The following MAML2 variants were observed in gnomAD, a reference collection of about 807,000 sequenced individuals.
The protein encoded by MAML2 is mastermind-like protein 2.
Under a neutral mutation model 96.1 loss-of-function variants are expected in MAML2, and 22 were observed. That is an observed-to-expected ratio of 0.23 (90% CI 0.16 to 0.33). The LOEUF is 0.33. Ranked by LOEUF, MAML2 falls within the 10% of genes least tolerant of loss-of-function variation. MAML2 has a pLI of 1.00. For synonymous variants in MAML2, 561 were observed against 521.3 expected (o/e 1.08, Z -1.04); for missense variants, 1,367 against 1,392.4 (o/e 0.98, Z 0.29).
intron 1 of MAML2, among the ~76,000 whole-genome samples, chr11:96,112,027 C>A (rs1394338039): frequency 6.6e-6 from 1 of 151,830 alleles, no homozygotes; most frequent in Non-Finnish European, 1.5e-5. Flanking sequence ...AAATGCTGCT[C>A]GTTAAACAAG....
intron 1 of MAML2, among the ~76,000 whole-genome samples, chr11:96,121,695 G>GA (rs895182506): frequency 7.5e-6 from 1 of 134,216 alleles, no homozygotes; most frequent in Non-Finnish European, 1.6e-5. Flanking sequence ...GCAACATAAA[G>GA]AAAAAAAAGA....
chr11:96,093,870 A>G (rs916743811), intron 1 of MAML2, among the ~76,000 whole-genome samples: 2 of 152,246 alleles, frequency 1.3e-5, no homozygotes, highest in African/African-American at 4.8e-5. Flanking sequence ...GAGCAAGCCA[A>G]AATATTCCAC....
Position 96,091,924 on chromosome 11 carries a change from T to C in MAML2, c.2107A>G (p.Met703Val), listed in dbSNP as rs113168159. ...QQMQNQPIAGMGYQVSQQQRQ... is the reference protein window; with the variant it reads ...QQMQNQPIAGVGYQVSQQQRQ... ...TGTTGTTGGGAGACTTGGTATCCCA[T>C]TCCTGCAATGGGCTGATTCTGCATT... Residue 703 changes from methionine to valine, a missense_variant, in exon 2 of 5, where the codon ATG becomes GTG. Coordinates refer to ENST00000524717, the MANE Select transcript of MAML2 (RefSeq NM_032427.4). 18 of 1,613,516 alleles carry C rather than the reference T, an allele frequency of 1.1e-5. No individual in the cohort carries two copies. The African/African-American group carries it at 1.2e-4, about 11-fold the overall frequency.
At chr11:96,001,064 C>T (rs183424549) in intron 2 of MAML2, among the ~76,000 whole-genome samples, 29 of 152,242 alleles carry the variant, frequency 1.9e-4, no homozygotes, top group African/African-American at 6.3e-4. Flanking sequence ...TCTCCTGCAC[C>T]GTGCAGAGAA....
chr11:96,155,270 C>A (rs534286247), intron 1 of MAML2, among the ~76,000 whole-genome samples: 9 of 151,802 alleles, frequency 5.9e-5, no homozygotes, highest in African/African-American at 1.9e-4. Flanking sequence ...CCAAGCTGGG[C>A]CAGAAAGGGT....
intron 1 of MAML2, among the ~76,000 whole-genome samples, chr11:96,137,058 T>C (rs144601830): frequency 2.0e-4 from 30 of 152,288 alleles, no homozygotes; most frequent in Non-Finnish European, 3.8e-4. Context: ...AACAATTCTC[T>C]TTCAGTGTCG....
At chr11:96,300,404 C>A (rs191691757) in intron 1 of MAML2, among the ~76,000 whole-genome samples, 10 of 152,216 alleles carry the variant, frequency 6.6e-5, no homozygotes, top group Admixed American at 2.0e-4. Context: ...TAAAACTGAT[C>A]GGTGCCCATT....
chr11:96,131,553 T>A (rs552760729), intron 1 of MAML2, among the ~76,000 whole-genome samples: 43 of 152,318 alleles, frequency 2.8e-4, no homozygotes, highest in Admixed American at 2.0e-3. Flanking sequence ...ATTGCGTTTA[T>A]ATGAAATACC....
chr11:96,064,397 G>T (rs1859214033), intron 2 of MAML2, among the ~76,000 whole-genome samples: 1 of 152,166 alleles, frequency 6.6e-6, no homozygotes, highest in Non-Finnish European at 1.5e-5. Flanking sequence ...TGTTCCCTCA[G>T]ATTCTCTAAG....
At chr11:96,135,693 G>A (rs1369738525) in intron 1 of MAML2, among the ~76,000 whole-genome samples, 2 of 151,710 alleles carry the variant, frequency 1.3e-5, no homozygotes, top group African/African-American at 4.8e-5. Context: ...CCTAAAAATT[G>A]GCATTTTTTT....
chr11:96,180,843 G>A (rs1861472455), intron 1 of MAML2, among the ~76,000 whole-genome samples: 4 of 152,216 alleles, frequency 2.6e-5, no homozygotes, highest in South Asian at 2.1e-4. Context: ...AAGAGTCAGC[G>A]AAGGGAGATA....
chr11:96,209,609 A>AAACAAAAAAC lies in MAML2; in HGVS notation c.514-116093_514-116092insGTTTTTTGTT, dbSNP rs61564435. Among the ~76,000 whole-genome samples, 944 of 151,442 alleles carry AAACAAAAAAC rather than the reference A, an allele frequency of 6.2e-3. 6 individuals carry two copies. Among genetic ancestry groups the AAACAAAAAAC allele is most frequent in the South Asian group, 0.017 (82 of 4,808 alleles). ...ACAAACAAACAAACAAACAAACAAA[A>AAACAAAAAAC]AAGCAAAGTATCAAGAAAAAAATAA... On this transcript the variant is annotated intron_variant, in intron 1 of 4. Transcript: ENST00000524717.
intron 1 of MAML2, among the ~76,000 whole-genome samples, chr11:96,242,727 C>T (rs1443113632): frequency 6.6e-6 from 1 of 152,112 alleles, no homozygotes; most frequent in East Asian, 1.9e-4. Flanking sequence ...GGCACTCAAG[C>T]ACTGAAAAAG....
chr11:96,072,415 G>A (rs1267128119), intron 2 of MAML2, among the ~76,000 whole-genome samples: 2 of 152,106 alleles, frequency 1.3e-5, no homozygotes, highest in Non-Finnish European at 1.5e-5. Context: ...GTTCTAATCA[G>A]GTTTCTGAGT....
intron 2 of MAML2, among the ~76,000 whole-genome samples, chr11:96,074,751 G>A (rs895056058): frequency 2.0e-5 from 3 of 152,206 alleles, no homozygotes; most frequent in Non-Finnish European, 4.4e-5. Flanking sequence ...ATAAAAGTTA[G>A]ATTCCTGTGT....
At chr11:96,065,627 T>C (rs139029088) in intron 2 of MAML2, among the ~76,000 whole-genome samples, 124 of 152,372 alleles carry the variant, frequency 8.1e-4, no homozygotes, top group African/African-American at 2.8e-3. Context: ...CCTTTTTATA[T>C]GCCAGGAACT....
intron 1 of MAML2, among the ~76,000 whole-genome samples, chr11:96,160,863 T>C (rs1861093013): frequency 6.6e-6 from 1 of 152,016 alleles, no homozygotes; most frequent in South Asian, 2.1e-4. Context: ...GTATCTATTA[T>C]TGATTATAAG....
intron 3 of MAML2, 125 bp from the exon 4 acceptor site, chr11:95,985,767 A>T (rs1239388507): frequency 1.7e-6 from 1 of 600,040 alleles, no homozygotes; most frequent in East Asian, 2.9e-5. Context: ...GTTACAAATC[A>T]TGACCTTATT....
intron 1 of MAML2, among the ~76,000 whole-genome samples, chr11:96,221,673 T>A (rs1471110164): frequency 6.8e-6 from 1 of 147,616 alleles, no homozygotes; most frequent in Non-Finnish European, 1.5e-5. Context: ...AAGATGTGAG[T>A]GGCAGTTCAG....
Sources: allele counts gnomAD v4.1 joint callset (sites outside exome capture counted in the v4.1 genomes callset), GRCh38; gene constraint gnomAD v4.1.1; transcripts MANE v1.5; gene names NCBI Gene and HGNC (gene_info 2026-07-23, HGNC 2026-07-21).